Variants in WDPCP observed in about 807,000 individuals in gnomAD.
The protein encoded by WDPCP is WD repeat-containing and planar cell polarity effector protein fritz homolog.
WDPCP carries 71 observed loss-of-function variants against 93.1 expected under a neutral mutation model. The observed-to-expected ratio is 0.76, with a 90% confidence interval of 0.63 to 0.93. WDPCP has a LOEUF of 0.93. WDPCP is among the 40% of genes least tolerant of loss of function. The probability of loss-of-function intolerance (pLI) is 0.00; values close to 1 mark genes in which losing one functional copy is unlikely to be tolerated. For missense variants in WDPCP, 844 were observed against 887.4 expected (o/e 0.95, Z 0.62); for synonymous variants, 315 against 315.0 (o/e 1.00, Z 0.00).
In WDPCP at chr2:63,127,121, C is replaced by CT. The variant is rs66754554; in HGVS notation, c.2191-5066dup. Among the ~76,000 whole-genome samples, 98 of 119,834 alleles carry CT rather than the reference C, an allele frequency of 8.2e-4. 1 individual carries two copies. The highest frequency in any genetic ancestry group is 2.3e-3 in the East Asian group (9 of 3,866). 78.6% of individuals were successfully genotyped at this position (119,834 alleles called of 152,430 possible). On this transcript the variant is annotated intron_variant, in intron 17 of 17. Coordinates refer to ENST00000272321, the MANE Select transcript of WDPCP (RefSeq NM_015910.7). ...AGATAAAGTATGTTGACATATTTAA[C>CT]TTTTTTTTTTTTTTTTTTTGAGATG...
At chr2:63,430,155 G>T (rs1402727969) in intron 9 of WDPCP, among the ~76,000 whole-genome samples, 1 of 152,136 alleles carries the variant, frequency 6.6e-6, no homozygotes, top group Admixed American at 6.5e-5. Context: ...TCTTATAAGT[G>T]GGAGCTAAAC....
chr2:63,261,116 A>G (rs1681592317), intron 13 of WDPCP, among the ~76,000 whole-genome samples: 1 of 151,950 alleles, frequency 6.6e-6, no homozygotes, highest in Non-Finnish European at 1.5e-5. Flanking sequence ...CAACGAGAAC[A>G]TTGTTTGAAT....
intron 2 of WDPCP, among the ~76,000 whole-genome samples, chr2:63,661,957 A>G (rs1710232055): frequency 6.6e-6 from 1 of 152,222 alleles, no homozygotes; most frequent in Non-Finnish European, 1.5e-5. Context: ...GATCCATAAT[A>G]GAACAGCTGG....
chr2:63,131,730 C>T (rs1670305644), intron 17 of WDPCP, among the ~76,000 whole-genome samples: 1 of 151,702 alleles, frequency 6.6e-6, no homozygotes, highest in Admixed American at 6.6e-5. Flanking sequence ...CCCTCTTTAG[C>T]ATTTCTTGTA....
At chr2:63,808,651 G>A (rs1670808963) in intron 2 of WDPCP, among the ~76,000 whole-genome samples, 3 of 152,310 alleles carry the variant, frequency 2.0e-5, no homozygotes, top group South Asian at 4.1e-4. Context: ...GTGCTCAATG[G>A]TGCCCAGGCT....
intron 13 of WDPCP, among the ~76,000 whole-genome samples, chr2:63,297,260 C>T (rs567508296): frequency 2.6e-5 from 4 of 152,278 alleles, no homozygotes; most frequent in South Asian, 2.1e-4. Context: ...AAATAATCCC[C>T]GGTACAGCCT....
chr2:63,671,340 C>T (rs774297297), intron 2 of WDPCP, among the ~76,000 whole-genome samples: 2 of 152,190 alleles, frequency 1.3e-5, no homozygotes, highest in South Asian at 2.1e-4. Context: ...CTCAGAGGCA[C>T]GGGAGTCTTC....
intron 2 of WDPCP, among the ~76,000 whole-genome samples, chr2:63,702,483 G>A (rs1325765198): frequency 6.6e-6 from 1 of 151,556 alleles, no homozygotes; most frequent in Non-Finnish European, 1.5e-5. Context: ...TGGTTGCCCT[G>A]ACATATTTAA....
At chr2:63,625,042 G>A (rs1013277629) in intron 3 of WDPCP, among the ~76,000 whole-genome samples, 1 of 152,074 alleles carries the variant, frequency 6.6e-6, no homozygotes, top group Non-Finnish European at 1.5e-5. Context: ...ATCAATAAAC[G>A]TAATCCATCA....
chr2:63,457,168 T>C (rs1043392543), intron 6 of WDPCP, among the ~76,000 whole-genome samples: 4 of 151,302 alleles, frequency 2.6e-5, no homozygotes, highest in Admixed American at 6.6e-5. Context: ...GCCACAGAAA[T>C]GTAAAAGATC....
chr2:63,588,456 T>G lies in WDPCP; in HGVS notation c.-185A>C. 1 of 700,096 alleles carries G rather than the reference T, an allele frequency of 1.4e-6. No homozygotes were observed. Among genetic ancestry groups the G allele is most frequent in the South Asian group, 1.6e-5 (1 of 63,516 alleles). The allele number at this position is 700,096 out of a possible 1,614,324, so 43.4% of individuals were successfully genotyped here. A position where few individuals can be genotyped will look rare whatever the true frequency, so the allele number is the denominator to read the frequency against. On this transcript the variant is annotated 5_prime_UTR_variant, in exon 1 of 18. Coordinates refer to ENST00000272321, the MANE Select transcript of WDPCP (RefSeq NM_015910.7). ...CTCGTCGCTTAGCAACCTGAGAAGC[T>G]GTCCGGTCGTCCCAACTTATCAATT...
At chr2:63,578,338 A>G (rs1708254857) in intron 1 of WDPCP, among the ~76,000 whole-genome samples, 1 of 152,222 alleles carries the variant, frequency 6.6e-6, no homozygotes, top group African/African-American at 2.4e-5. Flanking sequence ...TATATTACCT[A>G]CAGACAGCGC....
intron 2 of WDPCP, among the ~76,000 whole-genome samples, chr2:63,668,919 G>T (rs748037114): frequency 4.7e-4 from 71 of 152,162 alleles, no homozygotes; most frequent in Non-Finnish European, 9.4e-4. Flanking sequence ...ACACTAAATT[G>T]CTTTCTAGAA....
At chr2:63,556,108 T>C (rs898856367) in intron 1 of WDPCP, among the ~76,000 whole-genome samples, 1 of 152,070 alleles carries the variant, frequency 6.6e-6, no homozygotes, top group Admixed American at 6.6e-5. Flanking sequence ...TGAGAAAACA[T>C]CACAGCAGCT....
chr2:63,588,080 G>T, intron 1 of WDPCP, 117 bp downstream of exon 1: 2 of 1,262,128 alleles, frequency 1.6e-6, no homozygotes, highest in Admixed American at 2.0e-5. Flanking sequence ...TCAGAAAAGG[G>T]ACCGGCGAGC....
intron 1 of WDPCP, among the ~76,000 whole-genome samples, chr2:63,534,759 G>C (rs1704139828): frequency 6.6e-6 from 1 of 152,162 alleles, no homozygotes; most frequent in African/African-American, 2.4e-5. Flanking sequence ...ATATCATACT[G>C]AATGGGCAAA....
At chr2:63,487,604 C>G in intron 2 of WDPCP, 110 bp from the exon 3 acceptor site, 1 of 717,014 alleles carries the variant, frequency 1.4e-6, no homozygotes, top group Non-Finnish European at 2.4e-6. Flanking sequence ...GAAACAGTCT[C>G]CTTATGCTAC....
At chr2:63,329,637 TC>T (rs1433534720) in intron 12 of WDPCP, among the ~76,000 whole-genome samples, 1 of 152,150 alleles carries the variant, frequency 6.6e-6, no homozygotes, top group Non-Finnish European at 1.5e-5. Flanking sequence ...TTATTACCCT[TC>T]CCCCAAAGGT....
chr2:63,566,053 T>C (rs1707025225), intron 1 of WDPCP, among the ~76,000 whole-genome samples: 2 of 152,228 alleles, frequency 1.3e-5, no homozygotes, highest in African/African-American at 4.8e-5. Context: ...AAATGGATCC[T>C]TCTCTTCTCC....
Sources: allele counts gnomAD v4.1 joint callset (sites outside exome capture counted in the v4.1 genomes callset), GRCh38; gene constraint gnomAD v4.1.1; transcripts MANE v1.5; gene names NCBI Gene and HGNC (gene_info 2026-07-23, HGNC 2026-07-21).